Variants in TMEM114 observed in about 807,000 individuals in gnomAD.
TMEM114 encodes transmembrane protein 114, also known as claudin-26.
A neutral mutation model predicts 6.2 loss-of-function variants in TMEM114; 6 were observed. The ratio of observed to expected loss-of-function variants is 0.97; its 90% CI spans 0.53 to 1.91. TMEM114 has a LOEUF of 1.91. Ranked by LOEUF, TMEM114 falls within the 40% of genes most tolerant of loss-of-function variation. The pLI, the probability that TMEM114 is intolerant of heterozygous loss-of-function variation, is 0.01. For synonymous variants in TMEM114, 104 were observed against 73.0 expected, an observed-to-expected ratio of 1.42 and a Z score of -2.16; for missense variants, 218 against 158.3, an observed-to-expected ratio of 1.38 and a Z score of -2.02.
chr16:8,561,569 A>T (rs1324488353), intron 2 of TMEM114, among the ~76,000 whole-genome samples: 1 of 152,228 alleles, frequency 6.6e-6, no homozygotes, highest in African/African-American at 2.4e-5. Flanking sequence ...TCAGGCATCA[A>T]AGAAGTCACT....
At chr16:8,581,469 T>A (rs1002644341) in intron 2 of TMEM114, among the ~76,000 whole-genome samples, 2 of 152,306 alleles carry the variant, frequency 1.3e-5, no homozygotes, top group East Asian at 1.9e-4. Flanking sequence ...TGTGTGTGTG[T>A]GAGAGACAGG....
intron 2 of TMEM114, among the ~76,000 whole-genome samples, chr16:8,575,402 A>T (rs1311301453): frequency 3.9e-5 from 6 of 152,254 alleles, no homozygotes; most frequent in Admixed American, 3.3e-4. Context: ...GAGTACCCGT[A>T]TGATTGACCA....
chr16:8,563,017 TGAGTGAGGGA>T (rs1901328204), intron 2 of TMEM114, among the ~76,000 whole-genome samples: 2 of 133,080 alleles, frequency 1.5e-5, no homozygotes, highest in African/African-American at 2.8e-5. Context: ...AATGAATGAG[TGAGTGAGGGA>T]ATGAGTGAGT....
intron 2 of TMEM114, among the ~76,000 whole-genome samples, chr16:8,563,737 A>AGTGAGTGAGGGAG (rs1901385962): frequency 6.9e-6 from 1 of 144,502 alleles, no homozygotes; most frequent in African/African-American, 2.6e-5. Context: ...CAGTGAGTGA[A>AGTGAGTGAGGGAG]TGAATGAGTC....
At chr16:8,554,380 C>G (rs554492988) in intron 2 of TMEM114, among the ~76,000 whole-genome samples, 1 of 151,980 alleles carries the variant, frequency 6.6e-6, no homozygotes, top group Admixed American at 6.6e-5. Flanking sequence ...ATGATTGCAC[C>G]AAACTCTGTC....
intron 2 of TMEM114, among the ~76,000 whole-genome samples, chr16:8,558,403 C>G (rs373221042): frequency 5.6e-4 from 85 of 152,330 alleles, no homozygotes; most frequent in East Asian, 2.5e-3. Context: ...CAACCCCTGC[C>G]TCTGTCTTCA....
the TMEM114 span, among the ~76,000 whole-genome samples, chr16:8,530,424 T>C: frequency 6.6e-6 from 1 of 152,138 alleles, no homozygotes; most frequent in Non-Finnish European, 1.5e-5. Flanking sequence ...TTCTTAAAAC[T>C]CTTTCAGCTC....
chr16:8,534,368 T>A (rs574190222), downstream of TMEM114, among the ~76,000 whole-genome samples: 35 of 142,976 alleles, frequency 2.4e-4, no homozygotes, highest in African/African-American at 8.9e-4. Context: ...AAAAAAGGAA[T>A]TCTTCATGTC....
chr16:8,537,509 A>G (rs893527349), downstream of TMEM114: 2 of 152,204 alleles, frequency 1.3e-5, no homozygotes, highest in Non-Finnish European at 2.9e-5. Flanking sequence ...TCAAAAACAA[A>G]CAAACAAACA....
At chr16:8,533,902 G>T (rs1039578760), downstream of TMEM114, among the ~76,000 whole-genome samples, 1 of 152,158 alleles carries the variant, frequency 6.6e-6, no homozygotes, top group Non-Finnish European at 1.5e-5. Flanking sequence ...GGAGAAGGAT[G>T]CAATCAGGCA....
At chr16:8,534,621 TG>T (rs1365652748), downstream of TMEM114, among the ~76,000 whole-genome samples, 15 of 152,238 alleles carry the variant, frequency 9.9e-5, no homozygotes, top group South Asian at 1.0e-3. Context: ...AAGTGCTTGG[TG>T]GGGGTGCTGA....
chr16:8,553,182 C>A (rs1047249341), intron 2 of TMEM114, among the ~76,000 whole-genome samples: 2 of 152,218 alleles, frequency 1.3e-5, no homozygotes, highest in African/African-American at 4.8e-5. Context: ...GAGAAACACT[C>A]AGCTGGCCCT....
chr16:8,540,996 G>T (rs980555526), intron 2 of TMEM114, among the ~76,000 whole-genome samples: 4 of 152,188 alleles, frequency 2.6e-5, no homozygotes, highest in African/African-American at 9.7e-5. Flanking sequence ...GAAGTCCAGA[G>T]TTGCCAGAGA....
chr16:8,562,242 G>A (rs1901260679), intron 2 of TMEM114, among the ~76,000 whole-genome samples: 1 of 150,826 alleles, frequency 6.6e-6, no homozygotes, highest in Admixed American at 6.6e-5. Context: ...GTGAGTGAAT[G>A]AGTGACTGAG....
At chr16:8,566,159 A>G (rs995386768), downstream of TMEM114, among the ~76,000 whole-genome samples, 1 of 152,156 alleles carries the variant, frequency 6.6e-6, no homozygotes, top group African/African-American at 2.4e-5. Context: ...TCATGAGCTC[A>G]GGAGATCGAG....
chr16:8,532,784 C>G (rs1433101145), downstream of TMEM114, among the ~76,000 whole-genome samples: 3 of 152,218 alleles, frequency 2.0e-5, no homozygotes, highest in Non-Finnish European at 2.9e-5. Context: ...ATTAGCCAGG[C>G]ATAGTGGCGG....
intron 2 of TMEM114, among the ~76,000 whole-genome samples, chr16:8,545,235 C>T (rs1372026808): frequency 6.6e-6 from 1 of 152,016 alleles, no homozygotes; most frequent in Non-Finnish European, 1.5e-5. Context: ...TCCACGAGTC[C>T]AAGACCAACC....
downstream of TMEM114, among the ~76,000 whole-genome samples, chr16:8,532,971 G>A (rs1300310218): frequency 6.6e-6 from 1 of 152,120 alleles, no homozygotes; most frequent in African/African-American, 2.4e-5. Flanking sequence ...TCATTCAACA[G>A]ATGTTTTCTG....
chr16:8,565,494 C>G (rs1191437763), downstream of TMEM114, among the ~76,000 whole-genome samples: 1 of 152,108 alleles, frequency 6.6e-6, no homozygotes, highest in African/African-American at 2.4e-5. Flanking sequence ...CTGAGCCTCC[C>G]CAGCAAAGGG....
Sources: allele counts gnomAD v4.1 joint callset (sites outside exome capture counted in the v4.1 genomes callset), GRCh38; gene constraint gnomAD v4.1.1; transcripts MANE v1.5; gene names NCBI Gene and HGNC (gene_info 2026-07-23, HGNC 2026-07-21).